Variants in GLYATL1 observed in about 807,000 individuals in gnomAD.
GLYATL1 encodes the protein glycine N-acyltransferase-like protein 1.
GLYATL1 carries 15 observed loss-of-function variants against 20.0 expected under a neutral mutation model. That is an observed-to-expected ratio of 0.75 (90% CI 0.50 to 1.15). The LOEUF (loss-of-function observed/expected upper bound fraction) is 1.15. GLYATL1 is among the 50% of genes most tolerant of loss of function. GLYATL1 has a pLI of 0.00. For missense variants in GLYATL1, 380 were observed against 368.5 expected, an observed-to-expected ratio of 1.03 and a Z score of -0.26; for synonymous variants, 151 against 131.5, an observed-to-expected ratio of 1.15 and a Z score of -1.01.
chr11:58,905,733 AC>A, intron 1 of GLYATL1: 1 of 223,254 alleles, frequency 4.5e-6, no homozygotes, highest in Non-Finnish European at 8.8e-6. Context: ...GGTCATCTGG[AC>A]AAATAGGGAG....
At chr11:58,936,392 T>C (rs1412997020), upstream of GLYATL1, among the ~76,000 whole-genome samples, 1 of 152,246 alleles carries the variant, frequency 6.6e-6, no homozygotes, top group African/African-American at 2.4e-5. Context: ...CATGCAATCA[T>C]GTGTCCACTT....
At chr11:58,941,147 GT>G (rs1856112723) in intron 1 of GLYATL1, among the ~76,000 whole-genome samples, 1 of 150,328 alleles carries the variant, frequency 6.7e-6, no homozygotes, top group East Asian at 2.0e-4. Flanking sequence ...CCATTAACTC[GT>G]CATTTAGCAT....
At position 58,951,460 on chromosome 11, in the gene GLYATL1, C is replaced by CT. The variant is rs1392962729; in HGVS notation, c.187-3303dup. ...ATAAAGCAAATCACCCTTCACCAAT[C>CT]TTTTTTTACTTTCCTATTTCTTATA... On this transcript the variant is annotated intron_variant, in intron 4 of 6. Transcript: ENST00000532726. Among the ~76,000 whole-genome samples, 25 of 151,672 alleles carry CT rather than the reference C, an allele frequency of 1.6e-4. No individual in the cohort carries two copies. In the South Asian group the frequency reaches 5.0e-3, roughly 30 times the overall value.
In GLYATL1 at chr11:58,956,196, CT is replaced by C; in HGVS notation, c.*171del. 3.1e-6 allele frequency: 2 copies of C among 644,814 alleles called. No individual in the cohort carries two copies. The highest frequency in any genetic ancestry group is 5.3e-6 in the Non-Finnish European group (2 of 379,066). 39.9% of individuals were successfully genotyped at this position (644,814 alleles called of 1,614,324 possible). ...AAGACACAGCCATGCTCTTGAGGAG[CT>C]TACAATCCTGGCTGGAGGCAGGGGA... On this transcript the variant is annotated 3_prime_UTR_variant, in exon 7 of 7. Coordinates refer to ENST00000532726, the MANE Select transcript of GLYATL1 (RefSeq NM_001389712.2).
intron 1 of GLYATL1, among the ~76,000 whole-genome samples, chr11:58,930,218 G>A (rs1211266722): frequency 1.3e-5 from 2 of 152,190 alleles, no homozygotes; most frequent in African/African-American, 4.8e-5. Context: ...AAACATACCA[G>A]AAGGTTTCTT....
At chr11:58,950,303 A>AT (rs1053271265) in intron 4 of GLYATL1, among the ~76,000 whole-genome samples, 1 of 151,592 alleles carries the variant, frequency 6.6e-6, no homozygotes, top group Non-Finnish European at 1.5e-5. Context: ...AAAAAAAAAA[A>AT]CAAAAAAATA....
chr11:58,906,901 G>A (rs1233110837), intron 1 of GLYATL1, among the ~76,000 whole-genome samples: 1 of 152,156 alleles, frequency 6.6e-6, no homozygotes, highest in Non-Finnish European at 1.5e-5. Context: ...GCAGGTAAAA[G>A]TGCAGATTCC....
At chr11:58,924,978 T>C (rs528635614), upstream of GLYATL1, among the ~76,000 whole-genome samples, 1 of 152,358 alleles carries the variant, frequency 6.6e-6, no homozygotes, top group East Asian at 1.9e-4. Context: ...ATTATTTGGC[T>C]TAGCCTTCTG....
At chr11:58,932,110 CAAAAA>C (rs5792141) in intron 1 of GLYATL1, among the ~76,000 whole-genome samples, 5 of 61,494 alleles carry the variant, frequency 8.1e-5, no homozygotes, top group African/African-American at 1.4e-4. Flanking sequence ...GACCCCTTCT[CAAAAA>C]AAAAAAAAAA....
At chr11:58,916,851 G>T (rs1855185534) in intron 1 of GLYATL1, among the ~76,000 whole-genome samples, 1 of 152,248 alleles carries the variant, frequency 6.6e-6, no homozygotes, top group African/African-American at 2.4e-5. Flanking sequence ...CAGAGTGGGA[G>T]CAGGCTTGAG....
intron 4 of GLYATL1, among the ~76,000 whole-genome samples, chr11:58,949,929 A>T (rs907375153): frequency 6.7e-6 from 1 of 150,160 alleles, no homozygotes; most frequent in Admixed American, 6.7e-5. Flanking sequence ...ACATGATTTT[A>T]AAAAGTTAAT....
intron 1 of GLYATL1, chr11:58,942,491 G>A (rs1856231246): frequency 1.3e-5 from 2 of 152,196 alleles, no homozygotes. Context: ...TGTAAAGTGG[G>A]AGGGGAAAAG....
chr11:58,947,609 C>T (rs986592214), intron 3 of GLYATL1: 4 of 519,656 alleles, frequency 7.7e-6, no homozygotes, highest in Admixed American at 6.3e-5. Flanking sequence ...AAGAGCATTG[C>T]CAAGTGCCCA....
At chr11:58,932,110 CAAAAAAAAAAA>C (rs5792141) in intron 1 of GLYATL1, among the ~76,000 whole-genome samples, 81 of 61,494 alleles carry the variant, frequency 1.3e-3, no homozygotes, top group Non-Finnish European at 2.0e-3. Flanking sequence ...GACCCCTTCT[CAAAAAAAAAAA>C]AAAAAAAAAA....
intron 4 of GLYATL1, among the ~76,000 whole-genome samples, chr11:58,950,704 C>T (rs1275721194): frequency 6.6e-6 from 1 of 152,176 alleles, no homozygotes; most frequent in African/African-American, 2.4e-5. Context: ...AGAATTGTTT[C>T]CCCACATTCT....
At chr11:58,950,539 C>T (rs1856921054) in intron 4 of GLYATL1, among the ~76,000 whole-genome samples, 1 of 152,198 alleles carries the variant, frequency 6.6e-6, no homozygotes, top group Non-Finnish European at 1.5e-5. Flanking sequence ...TAAACATCTT[C>T]ATATACATAT....
At chr11:58,905,703 G>T (rs1465217317) in intron 1 of GLYATL1, 1 of 440,436 alleles carries the variant, frequency 2.3e-6, no homozygotes, top group Non-Finnish European at 4.6e-6. Context: ...TCGGGGGAGG[G>T]GATCGCTGGG....
At position 58,954,764 on chromosome 11, in the gene GLYATL1, A is replaced by G. The variant is rs1278751969; in HGVS notation, c.187-6A>G. 1 of 1,599,058 alleles carries G rather than the reference A, an allele frequency of 6.3e-7. No homozygotes were observed. The highest frequency in any genetic ancestry group is 1.1e-5 in the South Asian group (1 of 87,732). On this transcript the variant is annotated splice_region_variant and splice_polypyrimidine_tract_variant and intron_variant, in intron 4 of 6. Transcript: ENST00000532726. ...GAATGACCTGATCTTATATCATCCAATACAGGAGATGACTGATGACATGGA... is the reference window on the plus strand; with the variant it reads ...GAATGACCTGATCTTATATCATCCAGTACAGGAGATGACTGATGACATGGA...
intron 1 of GLYATL1, among the ~76,000 whole-genome samples, chr11:58,941,289 T>G (rs1429680671): frequency 6.8e-6 from 1 of 147,588 alleles, no homozygotes; most frequent in East Asian, 2.0e-4. Flanking sequence ...GAACATGCGG[T>G]GTTTGGTTTT....
Sources: allele counts gnomAD v4.1 joint callset (sites outside exome capture counted in the v4.1 genomes callset), GRCh38; gene constraint gnomAD v4.1.1; transcripts MANE v1.5; gene names NCBI Gene and HGNC (gene_info 2026-07-23, HGNC 2026-07-21).